SNAPC4: variants seen among roughly 807,000 people sequenced by gnomAD.
SNAPC4 encodes the protein small nuclear RNA activating complex polypeptide 4.
Under a neutral mutation model 151.3 loss-of-function variants are expected in SNAPC4, and 127 were observed. The observed-to-expected ratio is 0.84, with a 90% CI of 0.73 to 0.97. The LOEUF (loss-of-function observed/expected upper bound fraction) is 0.97, where lower values mean the gene tolerates loss of function less well. Among genes scored for constraint, SNAPC4 ranks in the 50% least tolerant of loss-of-function variants. SNAPC4 has a pLI of 0.00. For missense variants in SNAPC4, 2,186 were observed against 1,935.0 expected (o/e 1.13, Z -2.43); for synonymous variants, 1,002 against 824.4 (o/e 1.22, Z -3.69).
chr9:136,378,075 G>T lies in SNAPC4; in HGVS notation c.3752C>A (p.Ala1251Asp). Residue 1251 changes from alanine (A) to aspartate (D), a missense_variant, in exon 22 of 24, where the codon GCC (alanine) becomes GAC (aspartate). Transcript: ENST00000684778. ...TAGGGGCGGCTTCTCCAGGTCCAGG[G>T]CCCCCTTCTCAGGCCCAGGCTGGCG... ...PLRQPGPEKG[A>D]LDLEKPPLPQ... 1 of 1,579,642 alleles carries T rather than the reference G, an allele frequency of 6.3e-7. No homozygotes were observed.
chr9:136,392,774 G>A lies in SNAPC4; in HGVS notation c.636C>T (p.Leu212=), dbSNP rs759434876. Residue 212 remains leucine (L), a synonymous_variant, in exon 8 of 24, where the codon CTC becomes CTT. Transcript: ENST00000684778. ...QRLLQPKLLK[L]EYLHQKQSKV... is the part of the protein sequence containing the mutation. ...TGCTCTGCTTCTGGTGCAAGTACTC[G>A]AGCCTGCAAAGCAGAGCAGAGGCAG... 110 of 1,613,108 alleles carry A rather than the reference G, an allele frequency of 6.8e-5. No homozygotes were observed. Among genetic ancestry groups the A allele is most frequent in the East Asian group, 4.5e-5 (2 of 44,898 alleles).
chr9:136,399,798 A>G (rs1024480574), intron 1 of SNAPC4, among the ~76,000 whole-genome samples: 1 of 152,204 alleles, frequency 6.6e-6, no homozygotes, highest in Non-Finnish European at 1.5e-5. Context: ...CGCTGCGTGA[A>G]CTGGGGAAAC....
chr9:136,390,511 T>A (rs1449983574), intron 10 of SNAPC4, among the ~76,000 whole-genome samples: 1 of 124,140 alleles, frequency 8.1e-6, no homozygotes, highest in Non-Finnish European at 1.6e-5. Context: ...GCTGAGATCG[T>A]GCCACTGCAC....
chr9:136,377,348 C>T (rs1833485549), intron 22 of SNAPC4, among the ~76,000 whole-genome samples, 195 bp downstream of exon 22: 1 of 151,926 alleles, frequency 6.6e-6, no homozygotes, highest in Admixed American at 6.5e-5. Flanking sequence ...CACACTGCCC[C>T]AAAGGGAGGC....
chr9:136,388,021 A>G (rs1833947939), intron 11 of SNAPC4, among the ~76,000 whole-genome samples, 173 bp from the exon 12 acceptor site: 1 of 152,142 alleles, frequency 6.6e-6, no homozygotes. Flanking sequence ...TCATCCCAGC[A>G]CTTTGGGAGG....
intron 10 of SNAPC4, among the ~76,000 whole-genome samples, chr9:136,389,813 G>A (rs1382344469): frequency 6.6e-6 from 1 of 152,164 alleles, no homozygotes; most frequent in Non-Finnish European, 1.5e-5. Context: ...GCTCTCAAAG[G>A]GGGCTGGAGG....
At chr9:136,380,717 T>G (rs1329276275) in intron 20 of SNAPC4, 23 bp downstream of exon 20, 1 of 1,391,648 alleles carries the variant, frequency 7.2e-7, no homozygotes, top group Non-Finnish European at 1.0e-6. Context: ...CCATCCTCAC[T>G]TCTCACCCCA....
In SNAPC4 at chr9:136,388,581, C is replaced by G. The variant is rs757104298; in HGVS notation, c.986G>C (p.Ser329Thr). 1.1e-5 allele frequency: 17 copies of G among 1,614,036 alleles called. 1 individual carries two copies. The highest frequency in any genetic ancestry group is 1.4e-5 in the Non-Finnish European group (17 of 1,180,032). Residue 329 changes from serine to threonine, a missense_variant, in exon 11 of 24, where the codon AGC (serine) becomes ACC (threonine). By Grantham distance (58) the Ser-to-Thr change is moderately conservative. Coordinates refer to ENST00000684778, the MANE Select transcript of SNAPC4 (RefSeq NM_003086.4). ...GAATTTCTGCAGGCACTGGAAGGCG[C>G]TGCGGCTGGTCTTCCCAGGCCCAAA... The part of the protein sequence containing the change: ...KIAEELGTSR[S>T]AFQCLQKFQQ...
chr9:136,393,449 G>A (rs995675867), intron 7 of SNAPC4, among the ~76,000 whole-genome samples: 1 of 152,052 alleles, frequency 6.6e-6, no homozygotes, highest in Non-Finnish European at 1.5e-5. Flanking sequence ...CTGGGCTCTG[G>A]GAGCAGCTCT....
Position 136,392,045 on chromosome 9 carries a change from C to T in SNAPC4, c.872G>A (p.Ser291Asn). 3 of 1,612,584 alleles carry T rather than the reference C, an allele frequency of 1.9e-6. No homozygotes were observed. Among genetic ancestry groups the T allele is most frequent in the Non-Finnish European group, 2.5e-6 (3 of 1,179,968 alleles). Residue 291 changes from serine to asparagine, a missense_variant, in exon 10 of 24, where the codon AGC becomes AAC. By Grantham distance (46) the Ser-to-Asn change is conservative. Coordinates refer to ENST00000684778, the MANE Select transcript of SNAPC4 (RefSeq NM_003086.4). Reference sequence around the variant, plus strand: ...CCTGCTCCACTCCTGCTTGTTGATGCTGGGGTGCTCCGAGTTCTGCCAGAA... The same window carrying T: ...CCTGCTCCACTCCTGCTTGTTGATGTTGGGGTGCTCCGAGTTCTGCCAGAA... ...RKFWQNSEHP[S>N]INKQEWSREE...
In SNAPC4 at chr9:136,379,146, G is replaced by A. The variant is rs370299233; in HGVS notation, c.2681C>T (p.Ser894Leu). 2.5e-5 allele frequency: 39 copies of A among 1,579,314 alleles called. No homozygotes were observed. The highest frequency in any genetic ancestry group is 1.6e-4 in the East Asian group (7 of 43,832). Residue 894 changes from serine (S) to leucine (L), a missense_variant, in exon 22 of 24, where the codon TCG (serine) becomes TTG (leucine). Ser to Leu is a moderately radical substitution (Grantham distance 145). Transcript: ENST00000684778. Reference sequence around the variant, plus strand: ...AAGCCGCTTCTCCTGAAGCAGCTCCGACACAGTCTTGGGCTTGGGCCGGGG... The same window carrying A: ...AAGCCGCTTCTCCTGAAGCAGCTCCAACACAGTCTTGGGCTTGGGCCGGGG... ...TGPRPKPKTV[S>L]ELLQEKRLQE...
intron 10 of SNAPC4, among the ~76,000 whole-genome samples, chr9:136,389,497 T>A (rs1214246363): frequency 2.0e-5 from 3 of 152,114 alleles, no homozygotes; most frequent in African/African-American, 4.8e-5. Flanking sequence ...GCTCGCTACA[T>A]CACAGGTCTA....
chr9:136,384,146 A>G, intron 14 of SNAPC4, 114 bp from the exon 15 acceptor site: 1 of 766,358 alleles, frequency 1.3e-6, no homozygotes, highest in Admixed American at 2.7e-5. Context: ...CCTCCTGTGC[A>G]CTCTCACGCT....
At position 136,400,156 on chromosome 9, in the gene SNAPC4, C is replaced by A. The variant is rs948502983; in HGVS notation, c.-32G>T. On this transcript the variant is annotated 5_prime_UTR_variant, in exon 1 of 24. Transcript: ENST00000684778. ...TACCTGGCCGCGCGGACCCCGCCGT[C>A]GCCCGGGCGACTGCAGACTCGACGC... The A allele has an allele frequency of 1.3e-5, 2 of 152,148 alleles. No individual in the cohort carries two copies. The highest frequency in any genetic ancestry group is 2.9e-5 in the Non-Finnish European group (2 of 68,020). The allele number at this position is 152,148 out of a possible 1,614,324, so 9.4% of individuals were successfully genotyped here.
At chr9:136,379,404 G>A in intron 21 of SNAPC4, 105 bp from the exon 22 acceptor site, 2 of 1,528,064 alleles carry the variant, frequency 1.3e-6, no homozygotes, top group Admixed American at 2.1e-5. Flanking sequence ...GGGAGCCTGG[G>A]GTCTTGAGCC....
chr9:136,383,314 C>T lies in SNAPC4; in HGVS notation c.1855G>A (p.Ala619Thr), dbSNP rs199943004. 353 of 1,611,872 alleles carry T rather than the reference C, an allele frequency of 2.2e-4. 2 individuals are homozygous for T. In the East Asian group the frequency reaches 4.4e-3, roughly 20 times the overall value. Residue 619 changes from alanine (A) to threonine (T), a missense_variant, in exon 16 of 24, where the codon GCG (alanine) becomes ACG (threonine). Physicochemically the swap from Ala to Thr is moderately conservative, Grantham distance 58 (BLOSUM62 0). Transcript: ENST00000684778. This position sits in a 1 kb window ranked among gnomAD's most constrained non-coding sequence, Gnocchi z 4.2. ...GGSKEASTTA[A>T]APGEETSPVQ... ...GGACTCGTCTCCTCTCCAGGAGCCG[C>T]GGCTGTGGTGGAAGCTTCCTTGCTG...
At position 136,377,680 on chromosome 9, in the gene SNAPC4, G is replaced by A. The variant is rs2131463162; in HGVS notation, c.4147C>T (p.Pro1383Ser). Residue 1383 changes from proline (P) to serine (S), a missense_variant, in exon 22 of 24, where the codon CCC becomes TCC. Coordinates refer to ENST00000684778, the MANE Select transcript of SNAPC4 (RefSeq NM_003086.4). ...GAGAGGGTGGTGCGGACGCCTTGGG[G>A]GGCCAGGGTGGCCAGGAGCGCAGGG... ...TLPALLATLAPQGVRTTLSVP... is the reference protein window; with the variant it reads ...TLPALLATLASQGVRTTLSVP... 3 of 1,607,908 alleles carry A rather than the reference G, an allele frequency of 1.9e-6. No individual in the cohort carries two copies. The highest frequency in any genetic ancestry group is 2.5e-6 in the Non-Finnish European group (3 of 1,176,796).
rs767143693 is a variant in SNAPC4 at position 136,383,370 on chromosome 9, G to A, written c.1799C>T (p.Pro600Leu). The A allele has an allele frequency of 1.8e-5, 29 of 1,603,678 alleles. No individual in the cohort carries two copies. In the East Asian group the frequency reaches 6.3e-4, roughly 35 times the overall value. ...WLGGPAASLS[P>L]PKGSSASQGG... The stretch of plus-strand genomic sequence containing the variant: ...CTGGCTGGCACTGGACCCCTTGGGA[G>A]GGCTGAGGGAGGCAGCGGGGCCTCC... Residue 600 changes from proline (P) to leucine (L), a missense_variant, in exon 16 of 24, where the codon CCT (proline) becomes CTT (leucine). Pro to Leu is a moderately conservative substitution (Grantham distance 98). Coordinates refer to ENST00000684778, the MANE Select transcript of SNAPC4 (RefSeq NM_003086.4). The surrounding 1 kb of genome is among the most constrained non-coding windows in gnomAD (Gnocchi z 4.2).
rs1269637311 is a variant in SNAPC4, at chr9:136,388,474, G to A, written c.1093C>T (p.Arg365Cys). 7.4e-6 allele frequency: 12 copies of A among 1,612,260 alleles called. No individual in the cohort carries two copies. The East Asian group carries it at 8.9e-5, about 12-fold the overall frequency. ...CGGTAGGGGATGTGGCTGCCGACGC[G>A]CATCTCCTGCACCAGCTGCGTGAGC... is the stretch of plus-strand genomic sequence containing the variant. ...RMLTQLVQEM[R>C]VGSHIPYRRI... is the part of the protein sequence containing the mutation. The change falls in exon 11 of 24, where the codon CGC (arginine) becomes TGC (cysteine). Residue 365 changes from arginine (R) to cysteine (C), a missense_variant. Transcript: ENST00000684778.
Sources: gnomAD v4.1 joint callset for allele counts (sites outside exome capture counted in the v4.1 genomes callset) on GRCh38, gnomAD v4.1.1 for gene constraint, Gnocchi (gnomAD v3.1) non-coding constraint, MANE v1.5 for transcripts, NCBI Gene and HGNC (gene_info 2026-07-23, HGNC 2026-07-21) for gene names.